HECW2: variants seen among roughly 807,000 people sequenced by gnomAD.
HECW2 encodes HECT, C2 and WW domain containing E3 ubiquitin protein ligase 2, also known as E3 ubiquitin-protein ligase HECW2.
A neutral mutation model predicts 175.2 loss-of-function variants in HECW2; 61 were observed. The observed-to-expected ratio is 0.35, with a 90% CI of 0.28 to 0.43. HECW2 has a LOEUF of 0.43. Ranked by LOEUF, HECW2 falls within the 20% of genes least tolerant of loss-of-function variation. The pLI, the probability that HECW2 is intolerant of heterozygous loss-of-function variation, is 1.00. For missense variants in HECW2, 1,524 were observed against 2,000.5 expected (o/e 0.76, Z 4.54); for synonymous variants, 671 against 731.0 (o/e 0.92, Z 1.32).
At chr2:196,450,166 G>A (rs1351415862) in intron 1 of HECW2, among the ~76,000 whole-genome samples, 2 of 152,128 alleles carry the variant, frequency 1.3e-5, no homozygotes, top group Non-Finnish European at 2.9e-5. Flanking sequence ...AGTTTAGGTT[G>A]GGTTTCTGTC....
At chr2:196,471,317 C>T (rs1169512065) in intron 1 of HECW2, among the ~76,000 whole-genome samples, 1 of 152,070 alleles carries the variant, frequency 6.6e-6, no homozygotes, top group Non-Finnish European at 1.5e-5. Context: ...CAAAATTAAC[C>T]GATGCTGGCA....
At chr2:196,416,895 T>G (rs1194015747) in intron 2 of HECW2, among the ~76,000 whole-genome samples, 1 of 152,230 alleles carries the variant, frequency 6.6e-6, no homozygotes, top group African/African-American at 2.4e-5. Context: ...TTGAATTTGG[T>G]GTTAAGTCAT....
chr2:196,443,309 A>G (rs1559113259), intron 1 of HECW2, among the ~76,000 whole-genome samples: 1 of 152,212 alleles, frequency 6.6e-6, no homozygotes, highest in Admixed American at 6.5e-5. Flanking sequence ...CCACTAACAA[A>G]ATACCAGTGC....
In HECW2 at chr2:196,318,885, G is replaced by A. The variant is rs750113859; in HGVS notation, c.2005C>T (p.Pro669Ser). ...TGAGAAGAAAAGGCTGGGGTTTCAG[G>A]AAACCGTGCGCTCTCAAGAGAGGAG... ...RCSSLESARF[P>S]ETPAFSSQEE... Residue 669 changes from proline to serine, a missense_variant, in exon 9 of 29, where the codon CCT becomes TCT. Pro to Ser is a moderately conservative substitution (Grantham distance 74). Around this residue, in one of 11 missense-constraint regions of HECW2, gnomAD observed 604 missense variants for 588.3 expected, o/e 1.03. Transcript: ENST00000644978. 4 of 1,556,680 alleles carry A rather than the reference G, an allele frequency of 2.6e-6. No homozygotes were observed. The East Asian group carries it at 6.8e-5, about 26-fold the overall frequency.
At chr2:196,516,520 A>G (rs892607344) in intron 1 of HECW2, among the ~76,000 whole-genome samples, 1 of 152,218 alleles carries the variant, frequency 6.6e-6, no homozygotes, top group African/African-American at 2.4e-5. Context: ...TGTTGAATCA[A>G]ATAATAAAAA....
At chr2:196,458,724 G>C (rs540508167) in intron 1 of HECW2, among the ~76,000 whole-genome samples, 36 of 152,178 alleles carry the variant, frequency 2.4e-4, no homozygotes, top group African/African-American at 8.2e-4. Flanking sequence ...AAATTAGCTG[G>C]GCGTGGTGGT....
At chr2:196,439,971 T>C (rs900839907) in intron 1 of HECW2, among the ~76,000 whole-genome samples, 45 of 152,082 alleles carry the variant, frequency 3.0e-4, no homozygotes, top group African/African-American at 9.4e-4. Flanking sequence ...ACAGATTGAA[T>C]ATAGGGGATA....
chr2:196,536,310 A>G (rs1004081975), intron 1 of HECW2, among the ~76,000 whole-genome samples: 1 of 152,164 alleles, frequency 6.6e-6, no homozygotes, highest in Non-Finnish European at 1.5e-5. Context: ...ACCTAGGTGC[A>G]TGGTTTGCCA....
At chr2:196,419,593 T>C (rs1695353887) in intron 2 of HECW2, among the ~76,000 whole-genome samples, 1 of 152,220 alleles carries the variant, frequency 6.6e-6, no homozygotes, top group Admixed American at 6.5e-5. Context: ...TACAGTGCAT[T>C]ACAATTATTT....
chr2:196,397,988 C>G (rs145341699), intron 2 of HECW2, among the ~76,000 whole-genome samples: 24 of 152,122 alleles, frequency 1.6e-4, no homozygotes, highest in Non-Finnish European at 3.4e-4. Flanking sequence ...CATACCCTTC[C>G]GAGATACCTC....
intron 18 of HECW2, among the ~76,000 whole-genome samples, chr2:196,254,343 C>A (rs1453827778): frequency 6.6e-6 from 1 of 152,074 alleles, no homozygotes; most frequent in Non-Finnish European, 1.5e-5. Flanking sequence ...AAACAGGATT[C>A]CAACACAAAA....
chr2:196,445,444 A>G (rs890458084), intron 1 of HECW2, among the ~76,000 whole-genome samples: 9 of 152,016 alleles, frequency 5.9e-5, no homozygotes, highest in East Asian at 2.0e-4. Context: ...CTTTAGGTTC[A>G]GGGGTACATG....
intron 1 of HECW2, among the ~76,000 whole-genome samples, chr2:196,546,416 T>C (rs1171980909): frequency 1.3e-5 from 2 of 152,246 alleles, no homozygotes; most frequent in African/African-American, 2.4e-5. Context: ...TTTAATTAAC[T>C]AAACTTGTCA....
chr2:196,369,342 GTCTCTCTCTCTCTCTCTCTC>G (rs71410611), intron 2 of HECW2, among the ~76,000 whole-genome samples: 20 of 131,556 alleles, frequency 1.5e-4, no homozygotes, highest in African/African-American at 5.4e-4. Flanking sequence ...AACAAATGGA[GTCTCTCTCTCTCTCTCTCTC>G]TCTCTCTCTC....
intron 4 of HECW2, among the ~76,000 whole-genome samples, chr2:196,330,755 T>C (rs1692328332): frequency 6.6e-6 from 1 of 152,038 alleles, no homozygotes; most frequent in East Asian, 1.9e-4. Flanking sequence ...CCTAAGCTCT[T>C]GGTAAATTTC....
At chr2:196,469,208 GC>G in intron 1 of HECW2, among the ~76,000 whole-genome samples, 1 of 151,756 alleles carries the variant, frequency 6.6e-6, no homozygotes, top group African/African-American at 2.4e-5. Context: ...AAGAGGAGCT[GC>G]CCCGCCTTAA....
At chr2:196,240,626 TATCTTTCTAGA>T in intron 20 of HECW2, 64 bp from the exon 21 acceptor site, 1 of 1,378,462 alleles carries the variant, frequency 7.3e-7, no homozygotes, top group Non-Finnish European at 9.6e-7. Flanking sequence ...ATAATTTACT[TATCTTTCTAGA>T]ACATTTCCAT....
chr2:196,417,553 T>G (rs1190158431), intron 2 of HECW2, among the ~76,000 whole-genome samples: 1 of 152,248 alleles, frequency 6.6e-6, no homozygotes, highest in Non-Finnish European at 1.5e-5. Context: ...TAACTGGTAC[T>G]ACTGGCAAAC....
intron 13 of HECW2, among the ~76,000 whole-genome samples, chr2:196,304,989 C>A (rs11896439): frequency 0.025 from 3,741 of 152,294 alleles, 160 homozygotes; most frequent in African/African-American, 0.085. Context: ...GTTTCTGGGA[C>A]AAGCTCTTAA....
Sources: allele counts gnomAD v4.1 joint callset (sites outside exome capture counted in the v4.1 genomes callset), GRCh38; gene constraint gnomAD v4.1.1; regional missense constraint gnomAD v4.1.1; transcripts MANE v1.5; gene names NCBI Gene and HGNC (gene_info 2026-07-23, HGNC 2026-07-21).